Variants in SMYD3 observed in about 807,000 individuals in gnomAD.
The protein encoded by SMYD3 is histone-lysine N-methyltransferase SMYD3.
SMYD3 carries 36 observed loss-of-function variants against 57.7 expected under a neutral mutation model. The observed-to-expected ratio is 0.62, with a 90% CI of 0.48 to 0.82. The LOEUF (loss-of-function observed/expected upper bound fraction) is 0.82, where lower values mean the gene tolerates loss of function less well. SMYD3 is among the 40% of genes least tolerant of loss of function. SMYD3 has a pLI of 0.00. For synonymous variants in SMYD3, 211 were observed against 195.0 expected (o/e 1.08, Z -0.68); for missense variants, 515 against 538.8 (o/e 0.96, Z 0.44).
chr1:245,941,301 C>T (rs1464830119), intron 5 of SMYD3, among the ~76,000 whole-genome samples: 1 of 152,026 alleles, frequency 6.6e-6, no homozygotes, highest in Non-Finnish European at 1.5e-5. Context: ...CATTCAAACT[C>T]AAAAAATCCA....
At chr1:245,872,002 C>T (rs1420661661) in intron 8 of SMYD3, among the ~76,000 whole-genome samples, 4 of 152,190 alleles carry the variant, frequency 2.6e-5, no homozygotes, top group South Asian at 2.1e-4. Flanking sequence ...TCTTCCTCAA[C>T]GTAGTCATCC....
intron 10 of SMYD3, among the ~76,000 whole-genome samples, chr1:245,817,290 G>T (rs1280868308): frequency 2.2e-5 from 3 of 136,820 alleles, no homozygotes; most frequent in African/African-American, 3.2e-5. Flanking sequence ...GGGGCACACT[G>T]ACACCTCACA....
chr1:245,911,837 A>G (rs968384079), intron 8 of SMYD3, among the ~76,000 whole-genome samples: 1 of 152,118 alleles, frequency 6.6e-6, no homozygotes, highest in African/African-American at 2.4e-5. Context: ...GGGCAACTAT[A>G]GTTAATAGTT....
At chr1:245,779,690 T>G (rs2046754105) in intron 10 of SMYD3, among the ~76,000 whole-genome samples, 1 of 152,210 alleles carries the variant, frequency 6.6e-6, no homozygotes, top group African/African-American at 2.4e-5. Context: ...ATTTTGACAG[T>G]TTTTGGCTAA....
At chr1:245,762,935 C>CAGGTCTCCATACAACCCACCAGTGCCT (rs2045916852) in intron 11 of SMYD3, among the ~76,000 whole-genome samples, 2 of 152,114 alleles carry the variant, frequency 1.3e-5, no homozygotes. Context: ...ACCCGCACGC[C>CAGGTCTCCATACAACCCACCAGTGCCT]AGGTCTCCAT....
intron 10 of SMYD3, among the ~76,000 whole-genome samples, chr1:245,815,196 A>C (rs910738104): frequency 1.3e-5 from 2 of 152,244 alleles, no homozygotes; most frequent in Non-Finnish European, 2.9e-5. Context: ...CACAACTAAA[A>C]GAGGCCAAAC....
At chr1:246,327,596 A>ATT (rs759690332) in intron 4 of SMYD3, among the ~76,000 whole-genome samples, 32 of 152,358 alleles carry the variant, frequency 2.1e-4, no homozygotes, top group Non-Finnish European at 3.8e-4. Context: ...AAAAAGCATT[A>ATT]AAACCAAAAT....
chr1:246,361,859 G>T (rs1385176847), intron 1 of SMYD3, among the ~76,000 whole-genome samples: 6 of 152,084 alleles, frequency 3.9e-5, no homozygotes, highest in Admixed American at 1.3e-4. Context: ...CTGCTCAGGA[G>T]ATGGATACAC....
intron 1 of SMYD3, among the ~76,000 whole-genome samples, chr1:246,444,401 G>A (rs1262745509): frequency 6.6e-6 from 1 of 152,124 alleles, no homozygotes; most frequent in Non-Finnish European, 1.5e-5. Context: ...TGGGATTACA[G>A]GCATGAGCCA....
chr1:245,847,215 G>T (rs2050712097), intron 10 of SMYD3, among the ~76,000 whole-genome samples: 1 of 152,122 alleles, frequency 6.6e-6, no homozygotes, highest in Non-Finnish European at 1.5e-5. Context: ...CTGTAATTTT[G>T]GGGGTCATTT....
chr1:246,405,788 T>C (rs2066854204), intron 1 of SMYD3, among the ~76,000 whole-genome samples: 1 of 151,464 alleles, frequency 6.6e-6, no homozygotes, highest in South Asian at 2.1e-4. Flanking sequence ...CGGGCGCCTG[T>C]AGTCCCAGCT....
At chr1:245,776,776 G>T (rs2046620002) in intron 10 of SMYD3, among the ~76,000 whole-genome samples, 1 of 152,200 alleles carries the variant, frequency 6.6e-6, no homozygotes, top group African/African-American at 2.4e-5. Flanking sequence ...AGCTAGCACT[G>T]CTTAGATGCA....
chr1:245,944,432 C>G (rs1320471963), intron 5 of SMYD3, among the ~76,000 whole-genome samples: 1 of 152,036 alleles, frequency 6.6e-6, no homozygotes, highest in African/African-American at 2.4e-5. Flanking sequence ...ATACAGCTAA[C>G]AAGGAAAATA....
chr1:246,227,579 C>T (rs942946248), intron 5 of SMYD3, among the ~76,000 whole-genome samples: 1 of 151,870 alleles, frequency 6.6e-6, no homozygotes, highest in African/African-American at 2.4e-5. Flanking sequence ...TGCACAACTG[C>T]ACTCCAGCCT....
chr1:246,384,642 C>T (rs1313116718), intron 1 of SMYD3, among the ~76,000 whole-genome samples: 1 of 152,156 alleles, frequency 6.6e-6, no homozygotes, highest in Admixed American at 6.5e-5. Flanking sequence ...AGTGATCTGC[C>T]CGCCTCGGCC....
At chr1:246,353,855 G>A (rs1428471427) in intron 2 of SMYD3, among the ~76,000 whole-genome samples, 1 of 152,186 alleles carries the variant, frequency 6.6e-6, no homozygotes, top group East Asian at 1.9e-4. Context: ...CTTATTGTTA[G>A]TACAGATTCA....
At chr1:246,141,470 G>A (rs942164385) in intron 5 of SMYD3, among the ~76,000 whole-genome samples, 1 of 104,038 alleles carries the variant, frequency 9.6e-6, no homozygotes, top group South Asian at 2.6e-4. Flanking sequence ...AGCACACCTT[G>A]ACAGATGGTG....
intron 5 of SMYD3, among the ~76,000 whole-genome samples, chr1:246,267,331 T>C (rs4348690): frequency 0.35 from 52,851 of 152,012 alleles, 10,271 homozygotes; most frequent in East Asian, 0.79. Context: ...AAGAAAACAC[T>C]GCAAGCTATA....
chr1:245,752,669 C>T (rs1196711395), intron 11 of SMYD3, among the ~76,000 whole-genome samples: 2 of 152,140 alleles, frequency 1.3e-5, no homozygotes, highest in South Asian at 2.1e-4. Context: ...AGGGGCAGAC[C>T]TGCCCATCCC....
Sources: allele counts gnomAD v4.1 joint callset (sites outside exome capture counted in the v4.1 genomes callset), GRCh38; gene constraint gnomAD v4.1.1; transcripts MANE v1.5; gene names NCBI Gene and HGNC (gene_info 2026-07-23, HGNC 2026-07-21).